Variants in ADARB2 observed in about 807,000 individuals in gnomAD.
ADARB2 encodes the protein inactive double-stranded RNA-specific editase B2.
A neutral mutation model predicts 62.2 loss-of-function variants in ADARB2; 25 were observed. The observed-to-expected ratio is 0.40, with a 90% CI of 0.29 to 0.56. The LOEUF is 0.56. Among genes scored for constraint, ADARB2 ranks in the 20% least tolerant of loss-of-function variants. The pLI, the probability that ADARB2 is intolerant of heterozygous loss-of-function variation, is 0.43. For synonymous variants in ADARB2, 572 were observed against 500.8 expected (o/e 1.14, Z -1.90); for missense variants, 1,071 against 1,077.4 (o/e 0.99, Z 0.08).
In ADARB2 at chr10:1,268,985, T is replaced by A. The variant is rs141619376; in HGVS notation, c.1192+1970A>T. 2.6e-5 allele frequency among the ~76,000 whole-genome samples: 4 copies of A among 152,210 alleles called. No homozygotes were observed. In the East Asian group the frequency reaches 7.7e-4, roughly 29 times the overall value. On this transcript the variant is annotated intron_variant, in intron 4 of 9. Transcript: ENST00000381312. ...TGTTTCCCAGAAAGATGGAAAGATA[T>A]TGAGTTCCAGCGCTGAGAAATGCTA...
rs574180492 is a variant in ADARB2, at chr10:1,682,201, G to C, written c.100+54850C>G. 2.0e-5 allele frequency among the ~76,000 whole-genome samples: 3 copies of C among 152,320 alleles called. No individual in the cohort carries two copies. In the South Asian group the frequency reaches 6.2e-4, roughly 32 times the overall value. Reference sequence around the variant, plus strand: ...CTCCACAAAGATGGAAGAACATGGAGGAATAAGAGAGCACTGGGCGTCGAA... The same window carrying C: ...CTCCACAAAGATGGAAGAACATGGACGAATAAGAGAGCACTGGGCGTCGAA... On this transcript the variant is annotated intron_variant, in intron 1 of 9. Transcript: ENST00000381312.
intron 7 of ADARB2, among the ~76,000 whole-genome samples, chr10:1,203,409 C>T (rs1837011977): frequency 1.3e-5 from 2 of 152,316 alleles, no homozygotes; most frequent in Non-Finnish European, 2.9e-5. Flanking sequence ...GGAACAGGAC[C>T]GCCCTTGCCT....
At position 1,586,847 on chromosome 10, in the gene ADARB2, C is replaced by T. The variant is rs74108941; in HGVS notation, c.100+150204G>A. 7.7e-3 allele frequency among the ~76,000 whole-genome samples: 1,165 copies of T among 152,178 alleles called. 13 individuals carry two copies. Among genetic ancestry groups the T allele is most frequent in the African/African-American group, 0.026 (1,064 of 41,502 alleles). On this transcript the variant is annotated intron_variant, in intron 1 of 9. Coordinates refer to ENST00000381312, the MANE Select transcript of ADARB2 (RefSeq NM_018702.4). Reference sequence around the variant, plus strand: ...GAGTAGCATAAAGAAATATATAAAACGCCTCCTTTATTAACTCGTTAAAAT... The same window carrying T: ...GAGTAGCATAAAGAAATATATAAAATGCCTCCTTTATTAACTCGTTAAAAT...
intron 3 of ADARB2, among the ~76,000 whole-genome samples, chr10:1,343,755 A>G (rs1301680854): frequency 6.6e-6 from 1 of 152,222 alleles, no homozygotes; most frequent in Non-Finnish European, 1.5e-5. Context: ...CCTTATCCTA[A>G]GCAAACTAAT....
intron 3 of ADARB2, among the ~76,000 whole-genome samples, chr10:1,328,996 TAA>T (rs376461606): frequency 0.011 from 824 of 75,620 alleles, 7 homozygotes; most frequent in African/African-American, 0.043. Context: ...GACCCTGTCT[TAA>T]AAAAAAAAAA....
intron 2 of ADARB2, among the ~76,000 whole-genome samples, chr10:1,378,377 G>A (rs1241803896): frequency 6.6e-6 from 1 of 152,168 alleles, no homozygotes; most frequent in Non-Finnish European, 1.5e-5. Flanking sequence ...CTAAGACACC[G>A]TGACCATTTT....
At chr10:1,634,819 C>G (rs980418131) in intron 1 of ADARB2, among the ~76,000 whole-genome samples, 1 of 152,162 alleles carries the variant, frequency 6.6e-6, no homozygotes, top group African/African-American at 2.4e-5. Context: ...TGCAAATATT[C>G]ATTAATAGTC....
chr10:1,423,650 C>T, intron 1 of ADARB2, among the ~76,000 whole-genome samples: 1 of 150,082 alleles, frequency 6.7e-6, no homozygotes, highest in Non-Finnish European at 1.5e-5. Flanking sequence ...GCAGTAAGAT[C>T]ACTGTGTATG....
intron 1 of ADARB2, among the ~76,000 whole-genome samples, chr10:1,469,991 C>A (rs568844854): frequency 2.0e-5 from 3 of 151,876 alleles, no homozygotes; most frequent in African/African-American, 7.2e-5. Flanking sequence ...ATGAGGCCGG[C>A]GTGCCTGGGA....
chr10:1,365,968 A>C (rs1832310178), intron 2 of ADARB2, among the ~76,000 whole-genome samples: 1 of 152,360 alleles, frequency 6.6e-6, no homozygotes, highest in African/African-American at 2.4e-5. Context: ...AATGTAGATG[A>C]ATCTCAAGAA....
intron 1 of ADARB2, among the ~76,000 whole-genome samples, chr10:1,625,594 C>T (rs1588328481): frequency 6.6e-6 from 1 of 152,214 alleles, no homozygotes. Flanking sequence ...CTCGGGAGTC[C>T]CCACTGGCTT....
chr10:1,509,307 C>T (rs1588282200), intron 1 of ADARB2, among the ~76,000 whole-genome samples: 3 of 152,270 alleles, frequency 2.0e-5, no homozygotes, highest in Admixed American at 2.0e-4. Flanking sequence ...CTTGATAAAC[C>T]ATTCTTCAGA....
chr10:1,463,166 A>T (rs1458123153), intron 1 of ADARB2, among the ~76,000 whole-genome samples: 1 of 152,098 alleles, frequency 6.6e-6, no homozygotes, highest in Non-Finnish European at 1.5e-5. Flanking sequence ...TGGGGGCTGC[A>T]GCGGGGGCAC....
intron 1 of ADARB2, among the ~76,000 whole-genome samples, chr10:1,450,070 C>A (rs1266715425): frequency 1.3e-5 from 2 of 152,168 alleles, no homozygotes; most frequent in Non-Finnish European, 2.9e-5. Flanking sequence ...AGGTGGCCAC[C>A]CTGCCCTCCT....
rs573795005 is a variant in ADARB2 at position 1,480,426 on chromosome 10, T to C, written c.101-101266A>G. On this transcript the variant is annotated intron_variant, in intron 1 of 9. Transcript: ENST00000381312. ...ATTAAGAAAAAGTTCTGGCCGGGCG[T>C]GGTGGCTCACGCCTGTAATCCCAGC... Among the ~76,000 whole-genome samples the C allele has an allele frequency of 7.2e-5, 11 of 152,266 alleles. No homozygotes were observed. In the East Asian group the frequency reaches 1.2e-3, roughly 16 times the overall value.
chr10:1,376,083 G>A (rs534603998), intron 2 of ADARB2, among the ~76,000 whole-genome samples: 2 of 149,114 alleles, frequency 1.3e-5, no homozygotes, highest in East Asian at 2.0e-4. Flanking sequence ...CACACATCAC[G>A]ACACACACAC....
intron 1 of ADARB2, among the ~76,000 whole-genome samples, chr10:1,639,883 A>G (rs1193340703): frequency 6.6e-6 from 1 of 151,940 alleles, no homozygotes; most frequent in Non-Finnish European, 1.5e-5. Flanking sequence ...CAAACAAACA[A>G]ACAAACAAAC....
At chr10:1,476,681 A>C (rs1474686528) in intron 1 of ADARB2, among the ~76,000 whole-genome samples, 3 of 152,190 alleles carry the variant, frequency 2.0e-5, no homozygotes, top group Admixed American at 6.5e-5. Flanking sequence ...CCAGATCAGA[A>C]AGGCCATCGG....
chr10:1,357,268 C>G (rs1832204771), intron 3 of ADARB2, among the ~76,000 whole-genome samples: 1 of 152,150 alleles, frequency 6.6e-6, no homozygotes, highest in African/African-American at 2.4e-5. Flanking sequence ...GTGAGGGAGA[C>G]AGGAAAAGAC....
Sources: allele counts gnomAD v4.1 joint callset (sites outside exome capture counted in the v4.1 genomes callset), GRCh38; gene constraint gnomAD v4.1.1; transcripts MANE v1.5; gene names NCBI Gene and HGNC (gene_info 2026-07-23, HGNC 2026-07-21).